The following TNRC6A variants were observed in gnomAD, a reference collection of about 807,000 sequenced individuals.
The protein encoded by TNRC6A is trinucleotide repeat containing adaptor 6A, also known as trinucleotide repeat-containing gene 6A protein.
Under a neutral mutation model 221.2 loss-of-function variants are expected in TNRC6A, and 44 were observed. The observed-to-expected ratio is 0.20, with a 90% CI of 0.16 to 0.26. The LOEUF (loss-of-function observed/expected upper bound fraction) is 0.26, where lower values mean the gene tolerates loss of function less well. Among genes scored for constraint, TNRC6A ranks in the 10% least tolerant of loss-of-function variants. The pLI is 1.00. For synonymous variants in TNRC6A, 847 were observed against 838.5 expected, an observed-to-expected ratio of 1.01 and a Z score of -0.18; for missense variants, 2,199 against 2,404.4, an observed-to-expected ratio of 0.91 and a Z score of 1.79.
chr16:24,788,176 G>A lies in TNRC6A; in HGVS notation c.590-1056G>A, dbSNP rs111454159. Among the ~76,000 whole-genome samples the A allele has an allele frequency of 7.9e-5, 12 of 152,316 alleles. 1 individual carries two copies. The highest frequency in any genetic ancestry group is 2.6e-4 in the African/African-American group (11 of 41,582). ...CATAGCAGGAAGTCCAAGATTATAG[G>A]ATTGTATGACTGGTCATTAAACATC... On this transcript the variant is annotated intron_variant, in intron 5 of 24. Transcript: ENST00000395799.
chr16:24,712,663 A>C (rs77255708), intron 2 of TNRC6A, among the ~76,000 whole-genome samples: 1,865 of 152,270 alleles, frequency 0.012, 44 homozygotes, highest in African/African-American at 0.041. Flanking sequence ...AGTTTATTTT[A>C]CGAAGTTAAT....
intron 2 of TNRC6A, among the ~76,000 whole-genome samples, chr16:24,689,989 T>TAAAAAAAAAAAAA (rs60944175): frequency 1.0e-5 from 1 of 97,478 alleles, no homozygotes; most frequent in African/African-American, 3.6e-5. Flanking sequence ...AGGCTTAAAG[T>TAAAAAAAAAAAAA]AAAAAAAAAA....
intron 4 of TNRC6A, among the ~76,000 whole-genome samples, chr16:24,773,546 G>A (rs549500475): frequency 5.2e-4 from 79 of 152,154 alleles, no homozygotes; most frequent in Non-Finnish European, 1.0e-3. Flanking sequence ...TTGTGCACGC[G>A]TGTACATGCA....
At chr16:24,810,074 A>G in intron 18 of TNRC6A, among the ~76,000 whole-genome samples, 1 of 152,198 alleles carries the variant, frequency 6.6e-6, no homozygotes, top group East Asian at 1.9e-4. Flanking sequence ...TGGTCTCCCA[A>G]AGTGCTGCGA....
At chr16:24,782,390 G>A (rs967683879) in intron 5 of TNRC6A, among the ~76,000 whole-genome samples, 1 of 152,036 alleles carries the variant, frequency 6.6e-6, no homozygotes, top group African/African-American at 2.4e-5. Flanking sequence ...AGCTTTTTTG[G>A]GAGGTACCTA....
chr16:24,722,086 C>T (rs1256598519), intron 2 of TNRC6A, among the ~76,000 whole-genome samples: 1 of 152,052 alleles, frequency 6.6e-6, no homozygotes, highest in East Asian at 1.9e-4. Context: ...TTGTGGTAGT[C>T]GCTACATGGG....
At chr16:24,779,340 C>T (rs1462590276) in intron 5 of TNRC6A, among the ~76,000 whole-genome samples, 1 of 152,134 alleles carries the variant, frequency 6.6e-6, no homozygotes, top group East Asian at 1.9e-4. Flanking sequence ...GATGATGAAG[C>T]CAAGGCATTC....
intron 1 of TNRC6A, among the ~76,000 whole-genome samples, chr16:24,625,752 A>C (rs1053772009): frequency 5.4e-5 from 8 of 148,962 alleles, no homozygotes; most frequent in African/African-American, 1.7e-4. Context: ...AAAAAAAAAA[A>C]AAAAAAAAAA....
intron 2 of TNRC6A, among the ~76,000 whole-genome samples, chr16:24,741,330 T>C (rs1311636955): frequency 6.6e-6 from 1 of 152,190 alleles, no homozygotes; most frequent in African/African-American, 2.4e-5. Context: ...GTTTTGAGTG[T>C]TTTTGTCTTG....
At chr16:24,708,745 C>T (rs2056147394) in intron 2 of TNRC6A, among the ~76,000 whole-genome samples, 2 of 152,070 alleles carry the variant, frequency 1.3e-5, no homozygotes, top group South Asian at 2.1e-4. Context: ...TGAGAACATA[C>T]CGTATTTGGT....
rs112566517 is a variant in TNRC6A at position 24,769,302 on chromosome 16, G to T, written c.164-7631G>T. ...GGTGCATTTCATTGTTTCACAAAGT[G>T]GGGGGTCCTGATTTGGAACACAGAC... On this transcript the variant is annotated intron_variant, in intron 4 of 24. Transcript: ENST00000395799. Among the ~76,000 whole-genome samples the T allele has an allele frequency of 8.5e-5, 13 of 152,054 alleles. 1 individual carries two copies. The highest frequency in any genetic ancestry group is 2.7e-4 in the African/African-American group (11 of 41,506).
chr16:24,783,527 ATTT>A (rs5816267), intron 5 of TNRC6A, among the ~76,000 whole-genome samples: 1 of 145,446 alleles, frequency 6.9e-6, no homozygotes. Context: ...ATTATGTACA[ATTT>A]TTTTTTTTTT....
intron 3 of TNRC6A, among the ~76,000 whole-genome samples, chr16:24,756,965 A>T (rs1375402070): frequency 2.0e-5 from 3 of 152,176 alleles, no homozygotes. Context: ...AAGATTATGC[A>T]TCTTATTGTT....
At chr16:24,653,243 C>T (rs1190749568) in intron 2 of TNRC6A, among the ~76,000 whole-genome samples, 1 of 152,186 alleles carries the variant, frequency 6.6e-6, no homozygotes, top group Non-Finnish European at 1.5e-5. Flanking sequence ...GCGTTCACCT[C>T]AGAAAAGACA....
chr16:24,681,010 C>T (rs2055523076), intron 2 of TNRC6A, among the ~76,000 whole-genome samples: 1 of 152,022 alleles, frequency 6.6e-6, no homozygotes, highest in South Asian at 2.1e-4. Context: ...CTCAAACAAT[C>T]TTCCTGCCTC....
intron 2 of TNRC6A, among the ~76,000 whole-genome samples, chr16:24,700,809 G>T (rs766861232): frequency 3.9e-5 from 6 of 152,192 alleles, no homozygotes; most frequent in Non-Finnish European, 8.8e-5. Context: ...CCACTAGCCA[G>T]CATGTTGAAC....
At chr16:24,624,836 T>C (rs1319162067) in intron 1 of TNRC6A, among the ~76,000 whole-genome samples, 2 of 152,206 alleles carry the variant, frequency 1.3e-5, no homozygotes, top group African/African-American at 2.4e-5. Flanking sequence ...GACGAAGTAA[T>C]ACAAATTGTT....
intron 17 of TNRC6A, 39 bp downstream of exon 17, chr16:24,806,823 A>G: frequency 2.5e-6 from 4 of 1,593,002 alleles, no homozygotes; most frequent in Non-Finnish European, 3.4e-6. Flanking sequence ...ACTGATGCTT[A>G]GGTATCACAG....
chr16:24,679,569 T>C (rs2055490458), intron 2 of TNRC6A, among the ~76,000 whole-genome samples: 1 of 151,664 alleles, frequency 6.6e-6, no homozygotes, highest in Non-Finnish European at 1.5e-5. Context: ...CTCTGCCTCC[T>C]GAGTTCTAGC....
Sources: gnomAD v4.1 joint callset for allele counts (sites outside exome capture counted in the v4.1 genomes callset) on GRCh38, gnomAD v4.1.1 for gene constraint, MANE v1.5 for transcripts, NCBI Gene and HGNC (gene_info 2026-07-23, HGNC 2026-07-21) for gene names.